The following C5orf22 variants were observed in gnomAD, a reference collection of about 807,000 sequenced individuals.
The protein encoded by C5orf22 is chromosome 5 open reading frame 22, also known as UPF0489 protein C5orf22.
In C5orf22, 36 loss-of-function variants were observed where a neutral mutation model predicts 48.7. The ratio of observed to expected loss-of-function variants is 0.74; its 90% confidence interval spans 0.57 to 0.98. The LOEUF is 0.98. Ranked by LOEUF, C5orf22 falls within the 50% of genes least tolerant of loss-of-function variation. The pLI, the probability that C5orf22 is intolerant of heterozygous loss-of-function variation, is 0.00. For synonymous variants in C5orf22, 141 were observed against 180.8 expected (o/e 0.78, Z 1.76); for missense variants, 486 against 521.9 (o/e 0.93, Z 0.67).
intron 6 of C5orf22, 87 bp from the exon 7 acceptor site, chr5:31,545,559 T>C (rs1742831638): frequency 1.1e-6 from 1 of 876,946 alleles, no homozygotes; most frequent in Admixed American, 1.9e-5. Context: ...GTTATTATGG[T>C]AAATGTTAGT....
chr5:31,535,288 T>C (rs969050441), intron 2 of C5orf22, among the ~76,000 whole-genome samples: 4 of 152,254 alleles, frequency 2.6e-5, no homozygotes, highest in South Asian at 2.1e-4. Flanking sequence ...ACAACTGTTA[T>C]GCTTCAAACT....
At chr5:31,536,673 G>T (rs1742117742) in intron 3 of C5orf22, among the ~76,000 whole-genome samples, 1 of 152,086 alleles carries the variant, frequency 6.6e-6, no homozygotes, top group Non-Finnish European at 1.5e-5. Flanking sequence ...TTTCAGATAA[G>T]TACTTAATCT....
At chr5:31,532,593 C>T in intron 1 of C5orf22, 120 bp downstream of exon 1, 2 of 800,240 alleles carry the variant, frequency 2.5e-6, no homozygotes, top group Non-Finnish European at 4.0e-6. Context: ...GTTAAACTGC[C>T]CTATTCCGTT....
In C5orf22 at chr5:31,538,527, C is replaced by G; in HGVS notation, c.645C>G (p.Cys215Trp). 4.3e-6 allele frequency: 7 copies of G among 1,614,090 alleles called. No individual in the cohort carries two copies. The highest frequency in any genetic ancestry group is 5.9e-6 in the Non-Finnish European group (7 of 1,180,002). The change falls in exon 4 of 9, where the codon TGC (cysteine) becomes TGG (tryptophan). Residue 215 changes from cysteine (C) to tryptophan (W), a missense_variant. By Grantham distance (215) the Cys-to-Trp change is radical (BLOSUM62 -2). Transcript: ENST00000325366. The part of the protein sequence containing the change: ...DTATQRSDQT[C>W]LEPSCSCSSE... Reference sequence around the variant, plus strand: ...CAACACAGAGAAGTGACCAGACTTGCCTAGAACCATCATGTTCATGTTCTT... The same window carrying G: ...CAACACAGAGAAGTGACCAGACTTGGCTAGAACCATCATGTTCATGTTCTT...
At position 31,534,366 on chromosome 5, in the gene C5orf22, T is replaced by C. The variant is rs749237993; in HGVS notation, c.176T>C (p.Ile59Thr). 14 of 1,613,762 alleles carry C rather than the reference T, an allele frequency of 8.7e-6. No individual in the cohort carries two copies. The highest frequency in any genetic ancestry group is 1.1e-5 in the Non-Finnish European group (13 of 1,179,854). Residue 59 changes from isoleucine (I) to threonine (T), a missense_variant, in exon 2 of 9, where the codon ATT becomes ACT. Physicochemically the swap from Ile to Thr is moderately conservative, Grantham distance 89 (BLOSUM62 -1). Around this residue, in one of 3 missense-constraint regions of C5orf22, gnomAD observed 408 missense variants for 444.0 expected, o/e 0.92. Transcript: ENST00000325366. ...TTCGACTCACATCCAGACCTCCTTA[T>C]TCCTGTGAATATGCCAGCAGACACC... ...LHFDSHPDLL[I>T]PVNMPADTVF... is the part of the protein sequence containing the mutation.
rs747409418 is a variant in C5orf22 at position 31,535,840 on chromosome 5, A to T, written c.324A>T (p.Arg108Ser). ...WFHPTWAQQIREGRHHFLVGK... is the reference protein window; with the variant it reads ...WFHPTWAQQISEGRHHFLVGK... ...ATCCCACATGGGCTCAGCAGATCAG[A>T]GAGGGCAGACACCACTTTTTAGTAG... Residue 108 changes from arginine to serine, a missense_variant, in exon 3 of 9, where the codon AGA becomes AGT. Physicochemically the swap from Arg to Ser is moderately radical, Grantham distance 110. Coordinates refer to ENST00000325366, the MANE Select transcript of C5orf22 (RefSeq NM_018356.3). 7 of 1,613,730 alleles carry T rather than the reference A, an allele frequency of 4.3e-6. No homozygotes were observed. Among genetic ancestry groups the T allele is most frequent in the Non-Finnish European group, 5.9e-6 (7 of 1,179,900 alleles).
In C5orf22 at chr5:31,532,317, C is replaced by T; in HGVS notation, c.-76C>T. 1 of 1,476,344 alleles carries T rather than the reference C, an allele frequency of 6.8e-7. No individual in the cohort carries two copies. Among genetic ancestry groups the T allele is most frequent in the South Asian group, 1.1e-5 (1 of 87,996 alleles). 91.5% of individuals were successfully genotyped at this position (1,476,344 alleles called of 1,614,324 possible). A position where few individuals can be genotyped will look rare whatever the true frequency, so the allele number is the denominator to read the frequency against. ...AGCGCTTCCGCCCGGAGAGAGCTGG[C>T]CGGGATGAGGCGCCGGCTTTCCCGG... On this transcript the variant is annotated 5_prime_UTR_variant, in exon 1 of 9. Transcript: ENST00000325366.
chr5:31,534,879 T>A, intron 2 of C5orf22: 2 of 389,518 alleles, frequency 5.1e-6, no homozygotes, highest in South Asian at 3.9e-5. Context: ...CCCCATCTCT[T>A]AAAAGAAACA....
intron 1 of C5orf22, among the ~76,000 whole-genome samples, chr5:31,532,978 G>A (rs768402962): frequency 2.0e-5 from 3 of 151,496 alleles, no homozygotes; most frequent in African/African-American, 2.4e-5. Context: ...TTTTTGAGAC[G>A]GAGTCTCTCT....
intron 7 of C5orf22, among the ~76,000 whole-genome samples, chr5:31,547,341 C>G (rs1375891942): frequency 2.0e-5 from 3 of 152,250 alleles, no homozygotes; most frequent in Non-Finnish European, 4.4e-5. Context: ...CTTTTCCAGG[C>G]ACACAGTACA....
At chr5:31,540,022 G>T (rs1052928647) in intron 4 of C5orf22, among the ~76,000 whole-genome samples, 1 of 152,120 alleles carries the variant, frequency 6.6e-6, no homozygotes, top group African/African-American at 2.4e-5. Context: ...CTGCACTCCA[G>T]CCTGGGTGAC....
intron 6 of C5orf22, among the ~76,000 whole-genome samples, chr5:31,542,246 C>A (rs1365007007): frequency 1.3e-5 from 2 of 150,494 alleles, no homozygotes; most frequent in African/African-American, 4.9e-5. Flanking sequence ...GTTAGGAGAT[C>A]GAGACCATCC....
At chr5:31,548,611 A>G (rs1281139149) in intron 7 of C5orf22, 2 of 450,450 alleles carry the variant, frequency 4.4e-6, no homozygotes, top group African/African-American at 4.0e-5. Context: ...AAACTGTCCA[A>G]CATTTCCCTG....
At chr5:31,535,206 A>G (rs1049975416) in intron 2 of C5orf22, among the ~76,000 whole-genome samples, 1 of 152,244 alleles carries the variant, frequency 6.6e-6, no homozygotes, top group African/African-American at 2.4e-5. Flanking sequence ...GAATAACCAT[A>G]GTTTCTTGAC....
At chr5:31,540,793 A>G in intron 4 of C5orf22, 156 bp from the exon 5 acceptor site, 1 of 595,946 alleles carries the variant, frequency 1.7e-6, no homozygotes. Context: ...AAAAATCTAA[A>G]GTATACATTT....
chr5:31,542,135 A>G (rs1742504272), intron 6 of C5orf22, among the ~76,000 whole-genome samples: 1 of 152,100 alleles, frequency 6.6e-6, no homozygotes, highest in Non-Finnish European at 1.5e-5. Context: ...AGAAAAGTAA[A>G]TTACTTGACA....
At position 31,532,316 on chromosome 5, in the gene C5orf22, G is replaced by C. The variant is rs1741564858; in HGVS notation, c.-77G>C. The C allele has an allele frequency of 6.8e-6, 10 of 1,464,400 alleles. No homozygotes were observed. Among genetic ancestry groups the C allele is most frequent in the Middle Eastern group, 1.9e-4 (1 of 5,290 alleles). The allele number at this position is 1,464,400 out of a possible 1,614,324, so 90.7% of individuals were successfully genotyped here. A position where few individuals can be genotyped will look rare whatever the true frequency, so the allele number is the denominator to read the frequency against. The stretch of plus-strand genomic sequence containing the variant: ...GAGCGCTTCCGCCCGGAGAGAGCTG[G>C]CCGGGATGAGGCGCCGGCTTTCCCG... On this transcript the variant is annotated 5_prime_UTR_variant, in exon 1 of 9. Coordinates refer to ENST00000325366, the MANE Select transcript of C5orf22 (RefSeq NM_018356.3).
intron 2 of C5orf22, 58 bp downstream of exon 2, chr5:31,534,475 A>G (rs1420350646): frequency 1.4e-6 from 2 of 1,443,172 alleles, no homozygotes; most frequent in Non-Finnish European, 1.9e-6. Context: ...GCAGTAGATA[A>G]TAAGCAATTA....
At chr5:31,551,216 A>G in intron 7 of C5orf22, 77 bp from the exon 8 acceptor site, 1 of 1,389,486 alleles carries the variant, frequency 7.2e-7, no homozygotes, top group South Asian at 1.3e-5. Context: ...AAGATTTGTC[A>G]ATAAGGCCAT....
Sources: allele counts gnomAD v4.1 joint callset (sites outside exome capture counted in the v4.1 genomes callset), GRCh38; gene constraint gnomAD v4.1.1; regional missense constraint gnomAD v4.1.1; transcripts MANE v1.5; gene names NCBI Gene and HGNC (gene_info 2026-07-23, HGNC 2026-07-21).